Variants in CPA3 observed in about 807,000 individuals in gnomAD.
CPA3 encodes the protein mast cell carboxypeptidase A.
Under a neutral mutation model 55.8 loss-of-function variants are expected in CPA3, and 52 were observed. The ratio of observed to expected loss-of-function variants is 0.93; its 90% CI spans 0.75 to 1.17. The LOEUF is 1.17. Among genes scored for constraint, CPA3 ranks in the 50% most tolerant of loss-of-function variants. The pLI, the probability that CPA3 is intolerant of heterozygous loss-of-function variation, is 0.00. For synonymous variants in CPA3, 179 were observed against 171.2 expected (o/e 1.05, Z -0.36); for missense variants, 547 against 509.1 (o/e 1.07, Z -0.72).
chr3:148,881,723 T>C (rs1263189068), intron 7 of CPA3, 91 bp downstream of exon 7: 7 of 570,752 alleles, frequency 1.2e-5, no homozygotes, highest in Non-Finnish European at 2.0e-5. Flanking sequence ...TTTAGGTAAC[T>C]AGTTAATTCT....
intron 10 of CPA3, among the ~76,000 whole-genome samples, chr3:148,887,015 C>T (rs1286104402): frequency 2.6e-5 from 4 of 152,174 alleles, no homozygotes; most frequent in Non-Finnish European, 5.9e-5. Context: ...TTACTCTTCC[C>T]TATTTTTAAA....
At chr3:148,870,585 G>A (rs6795854) in intron 3 of CPA3, among the ~76,000 whole-genome samples, 85,886 of 151,866 alleles carry the variant, frequency 0.57, 25,246 homozygotes, top group Middle Eastern at 0.69. Flanking sequence ...GAAGGTTGTG[G>A]CAGAAATGTA....
chr3:148,884,798 A>G (rs1346921053), intron 9 of CPA3, among the ~76,000 whole-genome samples: 5 of 151,130 alleles, frequency 3.3e-5, no homozygotes, highest in African/African-American at 1.2e-4. Context: ...ATGCATACCA[A>G]TGTACAGCAC....
In CPA3 at chr3:148,870,418, T is replaced by C. The variant is rs193236767; in HGVS notation, c.269+1379T>C. ...ACTGCTCACCATAAACTTGATTTTA[T>C]TTATGATATTGCCACAATATCTCAA... On this transcript the variant is annotated intron_variant, in intron 3 of 10. Coordinates refer to ENST00000296046, the MANE Select transcript of CPA3 (RefSeq NM_001870.4). Among the ~76,000 whole-genome samples the C allele has an allele frequency of 1.4e-4, 21 of 152,300 alleles. No homozygotes were observed. In the East Asian group the frequency reaches 3.9e-3, roughly 28 times the overall value.
At chr3:148,891,676 T>C (rs183854543) in intron 10 of CPA3, among the ~76,000 whole-genome samples, 2 of 152,188 alleles carry the variant, frequency 1.3e-5, no homozygotes, top group Admixed American at 6.5e-5. Context: ...AAAAATCAAA[T>C]TCCATATATT....
chr3:148,884,184 G>GC (rs1055975711), intron 9 of CPA3, among the ~76,000 whole-genome samples: 1 of 151,996 alleles, frequency 6.6e-6, no homozygotes, highest in Non-Finnish European at 1.5e-5. Context: ...TACTAGTCCT[G>GC]CCCCCCAGAT....
At chr3:148,871,101 G>A (rs1389089452) in intron 3 of CPA3, among the ~76,000 whole-genome samples, 1 of 152,134 alleles carries the variant, frequency 6.6e-6, no homozygotes, top group African/African-American at 2.4e-5. Context: ...GTTTCACCAT[G>A]TTAGCCAGGA....
intron 8 of CPA3, among the ~76,000 whole-genome samples, chr3:148,883,045 G>A (rs1576583094): frequency 6.6e-6 from 1 of 152,178 alleles, no homozygotes; most frequent in Non-Finnish European, 1.5e-5. Flanking sequence ...TACATCAGAC[G>A]ATGCTTTAGT....
At chr3:148,885,981 C>T in intron 9 of CPA3, 112 bp from the exon 10 acceptor site, 1 of 724,290 alleles carries the variant, frequency 1.4e-6, no homozygotes, top group Non-Finnish European at 2.4e-6. Flanking sequence ...GGGATAAGCA[C>T]AGTGCCTAAC....
chr3:148,880,863 G>A (rs1714344135), intron 6 of CPA3, among the ~76,000 whole-genome samples: 1 of 152,064 alleles, frequency 6.6e-6, no homozygotes, highest in Non-Finnish European at 1.5e-5. Flanking sequence ...CCAACTGAGG[G>A]CCAAGAGCTC....
At chr3:148,885,625 T>A (rs1032352796) in intron 9 of CPA3, among the ~76,000 whole-genome samples, 2 of 152,002 alleles carry the variant, frequency 1.3e-5, no homozygotes, top group Middle Eastern at 3.2e-3. Flanking sequence ...CTAGCCAGGA[T>A]GGTCTCCATC....
At chr3:148,873,768 G>A (rs1220708489) in intron 3 of CPA3, among the ~76,000 whole-genome samples, 1 of 152,138 alleles carries the variant, frequency 6.6e-6, no homozygotes, top group African/African-American at 2.4e-5. Context: ...TTGGAAACTG[G>A]CCAAACCTTC....
rs1262058297 is a variant in CPA3, at chr3:148,883,685, A to G, written c.851A>G (p.Lys284Arg). The change falls in exon 9 of 11, where the codon AAA becomes AGA. Residue 284 changes from lysine (K) to arginine (R), a missense_variant. Coordinates refer to ENST00000296046, the MANE Select transcript of CPA3 (RefSeq NM_001870.4). ...GCACCAGAGTCCGAGAAAGAGACGA[A>G]AGCTGTCACTAATTTCATTAGAAGC... ...GSAPESEKET[K>R]AVTNFIRSHL... 1 of 1,614,002 alleles carries G rather than the reference A, an allele frequency of 6.2e-7. No homozygotes were observed. The highest frequency in any genetic ancestry group is 1.3e-5 in the African/African-American group (1 of 74,920).
chr3:148,891,711 T>C (rs1397500449), intron 10 of CPA3, among the ~76,000 whole-genome samples: 1 of 152,170 alleles, frequency 6.6e-6, no homozygotes, highest in South Asian at 2.1e-4. Flanking sequence ...TTAATCTTAA[T>C]GACAAACTCC....
At position 148,877,759 on chromosome 3, in the gene CPA3, G is replaced by A. The variant is rs187361938; in HGVS notation, c.270-682G>A. On this transcript the variant is annotated intron_variant, in intron 3 of 10. Coordinates refer to ENST00000296046, the MANE Select transcript of CPA3 (RefSeq NM_001870.4). Reference sequence around the variant, plus strand: ...ATAATGTACATATGGAGGTCAGAGCGATGCCTGGCACAAGGTAGTGCTAAG... The same window carrying A: ...ATAATGTACATATGGAGGTCAGAGCAATGCCTGGCACAAGGTAGTGCTAAG... Among the ~76,000 whole-genome samples, 559 of 152,282 alleles carry A rather than the reference G, an allele frequency of 3.7e-3. 2 individuals carry two copies. Among genetic ancestry groups the A allele is most frequent in the Non-Finnish European group, 5.9e-3 (401 of 68,030 alleles).
At position 148,865,322 on chromosome 3, in the gene CPA3, G is replaced by C. The variant is rs777382950; in HGVS notation, c.15G>C (p.Leu5=). Reference sequence around the variant, plus strand: ...AAAGAAGAACCATGAGGCTCATCCTGCCTGTGGGTTTGATTGCTACCACTC... The same window carrying C: ...AAAGAAGAACCATGAGGCTCATCCTCCCTGTGGGTTTGATTGCTACCACTC... MRLI[L]PVGLIATTLA... The change falls in exon 1 of 11, where the codon CTG becomes CTC. Residue 5 remains leucine (L), a synonymous_variant. Coordinates refer to ENST00000296046, the MANE Select transcript of CPA3 (RefSeq NM_001870.4). The C allele has an allele frequency of 1.9e-6, 3 of 1,614,152 alleles. No homozygotes were observed. The highest frequency in any genetic ancestry group is 1.1e-5 in the South Asian group (1 of 91,086).
In CPA3 at chr3:148,878,455, A is replaced by T. The variant is rs769681649; in HGVS notation, c.284A>T (p.Asp95Val). 6.2e-6 allele frequency: 10 copies of T among 1,609,030 alleles called. No individual in the cohort carries two copies. The South Asian group carries it at 1.1e-4, about 18-fold the overall frequency. ...NKMHYEILIH[D>V]LQEEIEKQFD... is the part of the protein sequence containing the mutation. The stretch of plus-strand genomic sequence containing the variant: ...CTGTCAAACAGAATCTTGATTCATG[A>T]TCTACAAGAAGAGATTGAGAAACAG... The change falls in exon 4 of 11, where the codon GAT becomes GTT. Residue 95 changes from aspartate (D) to valine (V), a missense_variant. By Grantham distance (152) the Asp-to-Val change is radical. Coordinates refer to ENST00000296046, the MANE Select transcript of CPA3 (RefSeq NM_001870.4).
rs765856914 is a variant in CPA3 at position 148,882,509 on chromosome 3, G to T, written c.692G>T (p.Arg231Leu). 4 of 1,612,940 alleles carry T rather than the reference G, an allele frequency of 2.5e-6. No homozygotes were observed. The highest frequency in any genetic ancestry group is 1.7e-5 in the Admixed American group (1 of 59,936). ...DGYIWSWTKN[R>L]MWRKNRSKNQ... is the part of the protein sequence containing the mutation. ...TTACGTCATTCAATCTGGCAGAACC[G>T]CATGTGGAGAAAAAATCGTTCCAAG... Residue 231 changes from arginine to leucine, a missense_variant, in exon 8 of 11, where the codon CGC (arginine) becomes CTC (leucine). Transcript: ENST00000296046.
At chr3:148,893,094 C>A (rs1714722071) in intron 10 of CPA3, among the ~76,000 whole-genome samples, 1 of 151,832 alleles carries the variant, frequency 6.6e-6, no homozygotes. Flanking sequence ...AATGTAATAG[C>A]TAAAATGTCC....
Sources: gnomAD v4.1 joint callset for allele counts (sites outside exome capture counted in the v4.1 genomes callset) on GRCh38, gnomAD v4.1.1 for gene constraint, MANE v1.5 for transcripts, NCBI Gene and HGNC (gene_info 2026-07-23, HGNC 2026-07-21) for gene names.